RUBCN: variants seen among roughly 807,000 people sequenced by gnomAD.
The protein encoded by RUBCN is rubicon autophagy regulator.
RUBCN carries 74 observed loss-of-function variants against 113.2 expected under a neutral mutation model. The observed-to-expected ratio is 0.65, with a 90% CI of 0.54 to 0.79. The LOEUF (loss-of-function observed/expected upper bound fraction) is 0.79. Ranked by LOEUF, RUBCN falls within the 30% of genes least tolerant of loss-of-function variation. The pLI, the probability that RUBCN is intolerant of heterozygous loss-of-function variation, is 0.00. For synonymous variants in RUBCN, 480 were observed against 490.0 expected (o/e 0.98, Z 0.27); for missense variants, 1,109 against 1,251.7 (o/e 0.89, Z 1.72).
intron 1 of RUBCN, among the ~76,000 whole-genome samples, chr3:197,723,072 T>C (rs568189338): frequency 1.3e-5 from 2 of 152,322 alleles, no homozygotes; most frequent in African/African-American, 4.8e-5. Context: ...AGTAGTGTGC[T>C]TTGATTCCTT....
At chr3:197,696,873 C>T (rs1723068218) in intron 8 of RUBCN, 81 bp downstream of exon 8, 2 of 800,372 alleles carry the variant, frequency 2.5e-6, no homozygotes, top group Admixed American at 3.6e-5. Flanking sequence ...CTGAGATGAA[C>T]CCCAAAACTC....
chr3:197,691,589 A>G (rs1383418790), intron 11 of RUBCN, among the ~76,000 whole-genome samples: 4 of 152,150 alleles, frequency 2.6e-5, no homozygotes, highest in Non-Finnish European at 5.9e-5. Context: ...TTCTGAAACG[A>G]CTAGAGAATT....
At chr3:197,747,607 C>T (rs1386216819) in intron 1 of RUBCN, among the ~76,000 whole-genome samples, 2 of 151,984 alleles carry the variant, frequency 1.3e-5, no homozygotes, top group Non-Finnish European at 2.9e-5. Context: ...TACAAAATGC[C>T]TCCAAACTCT....
chr3:197,673,172 TCTCA>T lies in RUBCN; in HGVS notation c.*1842_*1845del, dbSNP rs1719958550. On this transcript the variant is annotated 3_prime_UTR_variant, in exon 20 of 20. Coordinates refer to ENST00000296343, the MANE Select transcript of RUBCN (RefSeq NM_014687.4). ...AACTTCTGGGACTTGGCTTTTTGAG[TCTCA>T]CTATGAACAGAAGGGAGAACAGCCT... 6.6e-6 allele frequency: 1 copy of T among 152,102 alleles called. No individual in the cohort carries two copies. Among genetic ancestry groups the T allele is most frequent in the Admixed American group, 6.5e-5 (1 of 15,276 alleles). The allele number at this position is 152,102 out of a possible 1,614,324, so 9.4% of individuals were successfully genotyped here.
chr3:197,695,024 A>C (rs781335648), intron 9 of RUBCN, among the ~76,000 whole-genome samples: 1 of 152,280 alleles, frequency 6.6e-6, no homozygotes, highest in Non-Finnish European at 1.5e-5. Flanking sequence ...CTAAGGTGCC[A>C]GAGTCAAGGG....
upstream of RUBCN, among the ~76,000 whole-genome samples, chr3:197,738,009 C>T (rs1374099837): frequency 6.6e-6 from 1 of 152,192 alleles, no homozygotes; most frequent in Non-Finnish European, 1.5e-5. Flanking sequence ...CTTCCTCAGC[C>T]TCCTGAATAG....
At chr3:197,745,796 G>A (rs375910930) in intron 1 of RUBCN, among the ~76,000 whole-genome samples, 2 of 152,124 alleles carry the variant, frequency 1.3e-5, no homozygotes, top group Non-Finnish European at 2.9e-5. Flanking sequence ...CAGCACTTTG[G>A]GAGTCTGAGT....
At chr3:197,705,566 G>GAAA (rs1023962921) in intron 2 of RUBCN, among the ~76,000 whole-genome samples, 20 of 42,492 alleles carry the variant, frequency 4.7e-4, no homozygotes, top group African/African-American at 1.6e-3. Flanking sequence ...CCCTAACTCA[G>GAAA]AAAAAAAAAA....
Position 197,681,951 on chromosome 3 carries a change from T to G in RUBCN, c.2127-52A>C. On this transcript the variant is annotated intron_variant, in intron 14 of 19. Transcript: ENST00000296343. This position sits in a 1 kb window ranked among gnomAD's most constrained non-coding sequence, Gnocchi z 5.5. The stretch of plus-strand genomic sequence containing the variant: ...GGCACAGAGCAGCTGCGTGAGACCT[T>G]GGAGGTGTGAAGGAGTGAGCACACA... 1 of 1,430,770 alleles carries G rather than the reference T, an allele frequency of 7.0e-7. No individual in the cohort carries two copies. The highest frequency in any genetic ancestry group is 2.3e-5 in the East Asian group (1 of 43,962). The allele number at this position is 1,430,770 out of a possible 1,614,324, so 88.6% of individuals were successfully genotyped here. A position where few individuals can be genotyped will look rare whatever the true frequency, so the allele number is the denominator to read the frequency against.
At chr3:197,691,506 G>T (rs184512904) in intron 11 of RUBCN, among the ~76,000 whole-genome samples, 1 of 152,074 alleles carries the variant, frequency 6.6e-6, no homozygotes, top group Non-Finnish European at 1.5e-5. Flanking sequence ...AGCCCAATCC[G>T]TCACAGCAAA....
intron 4 of RUBCN, among the ~76,000 whole-genome samples, chr3:197,704,017 T>C (rs150057246): frequency 6.6e-6 from 1 of 152,318 alleles, no homozygotes; most frequent in East Asian, 1.9e-4. Context: ...TGGCTATTCT[T>C]ACGGTTTGTG....
chr3:197,682,255 C>G (rs1484912126), intron 14 of RUBCN, among the ~76,000 whole-genome samples: 1 of 152,102 alleles, frequency 6.6e-6, no homozygotes, highest in African/African-American at 2.4e-5. Context: ...GTTGGGAATG[C>G]CAGCAAAACA....
At chr3:197,706,745 G>A (rs545036253) in intron 2 of RUBCN, among the ~76,000 whole-genome samples, 11 of 152,244 alleles carry the variant, frequency 7.2e-5, no homozygotes, top group Admixed American at 7.2e-4. Flanking sequence ...TAGCCTGAAA[G>A]AGACCTTAAG....
chr3:197,722,689 G>T (rs559140566), intron 1 of RUBCN, among the ~76,000 whole-genome samples: 1 of 151,644 alleles, frequency 6.6e-6, no homozygotes, highest in Non-Finnish European at 1.5e-5. Flanking sequence ...TCCTTTTGCT[G>T]AATTGACTCT....
chr3:197,746,521 G>T (rs1039364151), intron 1 of RUBCN, among the ~76,000 whole-genome samples: 1 of 151,960 alleles, frequency 6.6e-6, no homozygotes, highest in Non-Finnish European at 1.5e-5. Context: ...CTTTAAGTTT[G>T]AATTATTTTA....
In RUBCN at chr3:197,749,539, G is replaced by A. The variant is rs370130066; in HGVS notation, c.-386C>T. 22 of 1,291,088 alleles carry A rather than the reference G, an allele frequency of 1.7e-5. No individual in the cohort carries two copies. In the East Asian group the frequency reaches 2.2e-4, roughly 13 times the overall value. The allele number at this position is 1,291,088 out of a possible 1,614,324, so 80.0% of individuals were successfully genotyped here. On this transcript the variant is annotated 5_prime_UTR_variant, in exon 1 of 21. Transcript: ENST00000273582. ...GGTCTGTCCTGCCTCCCGAGGCTGCGTTGCGGTGGGCGCGAAAGGCTCGTG... is the reference window on the plus strand; with the variant it reads ...GGTCTGTCCTGCCTCCCGAGGCTGCATTGCGGTGGGCGCGAAAGGCTCGTG...
In RUBCN at chr3:197,681,912, A is replaced by G. The variant is rs1160034525; in HGVS notation, c.2127-13T>C. 6.2e-7 allele frequency: 1 copy of G among 1,611,778 alleles called. No homozygotes were observed. Among genetic ancestry groups the G allele is most frequent in the South Asian group, 1.1e-5 (1 of 91,026 alleles). On this transcript the variant is annotated splice_polypyrimidine_tract_variant and intron_variant, in intron 14 of 19. Transcript: ENST00000296343. This position sits in a 1 kb window ranked among gnomAD's most constrained non-coding sequence, Gnocchi z 5.5. The stretch of plus-strand genomic sequence containing the variant: ...GGCAATTTTCCTCCTGAGGAAGGGT[A>G]AGGACAGGGCATTGGCACAGAGCAG...
At chr3:197,686,765 T>G (rs1721902327) in intron 11 of RUBCN, among the ~76,000 whole-genome samples, 1 of 152,148 alleles carries the variant, frequency 6.6e-6, no homozygotes, top group South Asian at 2.1e-4. Flanking sequence ...TTCTGAAACT[T>G]TTTATTGATT....
At position 197,673,130 on chromosome 3, in the gene RUBCN, T is replaced by C. The variant is rs1719954992; in HGVS notation, c.*1888A>G. The C allele has an allele frequency of 6.6e-6, 1 of 152,296 alleles. No homozygotes were observed. The allele number at this position is 152,296 out of a possible 1,614,324, so 9.4% of individuals were successfully genotyped here. A position where few individuals can be genotyped will look rare whatever the true frequency, so the allele number is the denominator to read the frequency against. ...GCTCCCTGAAGGACCTGGGCACTTC[T>C]AGTCACAGCCCTTCAGAACTTCTGG... On this transcript the variant is annotated 3_prime_UTR_variant, in exon 20 of 20. Coordinates refer to ENST00000296343, the MANE Select transcript of RUBCN (RefSeq NM_014687.4).
Sources: gnomAD v4.1 joint callset for allele counts (sites outside exome capture counted in the v4.1 genomes callset) on GRCh38, gnomAD v4.1.1 for gene constraint, Gnocchi (gnomAD v3.1) non-coding constraint, MANE v1.5 for transcripts, NCBI Gene and HGNC (gene_info 2026-07-23, HGNC 2026-07-21) for gene names.